The following ICE1 variants were observed in gnomAD, a reference collection of about 807,000 sequenced individuals.
ICE1 encodes little elongation complex subunit 1.
ICE1 carries 64 observed loss-of-function variants against 192.7 expected under a neutral mutation model. The ratio of observed to expected loss-of-function variants is 0.33; its 90% CI spans 0.27 to 0.41. ICE1 has a LOEUF of 0.41. ICE1 is among the 10% of genes least tolerant of loss of function. The pLI is 1.00. For missense variants in ICE1, 2,708 were observed against 2,696.0 expected, an observed-to-expected ratio of 1.00 and a Z score of -0.10; for synonymous variants, 1,010 against 984.5, an observed-to-expected ratio of 1.03 and a Z score of -0.49.
In ICE1 at chr5:5,463,832, G is replaced by T. The variant is rs373732140; in HGVS notation, c.4498G>T (p.Gly1500Cys). The change falls in exon 13 of 19, where the codon GGT becomes TGT. Residue 1500 changes from glycine to cysteine, a missense_variant. This residue lies in a region of ICE1 where 2,366 missense variants were observed against 2,276.6 expected (regional missense o/e 1.04). Coordinates refer to ENST00000296564, the MANE Select transcript of ICE1 (RefSeq NM_015325.3). The stretch of plus-strand genomic sequence containing the variant: ...TCCCCAAGAGGATGTTTCAAGCAGT[G>T]GTCAGAGCACCAACTTTGATAAGAG... ...SCPQEDVSSSGQSTNFDKSRL... is the reference protein window; with the variant it reads ...SCPQEDVSSSCQSTNFDKSRL... The T allele has an allele frequency of 1.9e-5, 31 of 1,613,808 alleles. No individual in the cohort carries two copies. Among genetic ancestry groups the T allele is most frequent in the Non-Finnish European group, 2.6e-5 (31 of 1,179,882 alleles).
intron 4 of ICE1, among the ~76,000 whole-genome samples, chr5:5,440,900 A>G (rs975956836): frequency 1.3e-5 from 2 of 151,876 alleles, no homozygotes; most frequent in Admixed American, 6.6e-5. Context: ...GACCCTGACT[A>G]ACAAAAAGAA....
intron 7 of ICE1, among the ~76,000 whole-genome samples, chr5:5,446,271 C>T (rs958993602): frequency 1.3e-5 from 2 of 151,400 alleles, no homozygotes; most frequent in African/African-American, 4.9e-5. Context: ...GCTGATACTA[C>T]AGGTGTGAGC....
chr5:5,422,909 C>T lies in ICE1; in HGVS notation c.-7C>T. 1 of 1,391,396 alleles carries T rather than the reference C, an allele frequency of 7.2e-7. No individual in the cohort carries two copies. The highest frequency in any genetic ancestry group is 9.3e-7 in the Non-Finnish European group (1 of 1,072,494). The allele number at this position is 1,391,396 out of a possible 1,614,324, so 86.2% of individuals were successfully genotyped here. On this transcript the variant is annotated 5_prime_UTR_variant, in exon 1 of 19. Transcript: ENST00000296564. ...CGTGCGTGCCCACCGGGCCCGGCGG[C>T]GGCACCATGATGCCGGGCGAGACCC...
In ICE1 at chr5:5,463,309, G is replaced by A. The variant is rs752586863; in HGVS notation, c.3975G>A (p.Leu1325=). 1 of 1,613,538 alleles carries A rather than the reference G, an allele frequency of 6.2e-7. No individual in the cohort carries two copies. The highest frequency in any genetic ancestry group is 1.1e-5 in the South Asian group (1 of 90,906). Reference sequence around the variant, plus strand: ...AACCAACCCCACAAGCAGCTGCCTTGGACACTGAGGGCAGCTCTCCCATCA... The same window carrying A: ...AACCAACCCCACAAGCAGCTGCCTTAGACACTGAGGGCAGCTCTCCCATCA... ...ASEPTPQAAA[L]DTEGSSPISG... Residue 1325 remains leucine, a synonymous_variant, in exon 13 of 19, where the codon TTG becomes TTA. Coordinates refer to ENST00000296564, the MANE Select transcript of ICE1 (RefSeq NM_015325.3).
At chr5:5,485,891 G>C (rs374256673) in intron 17 of ICE1, among the ~76,000 whole-genome samples, 1 of 152,182 alleles carries the variant, frequency 6.6e-6, no homozygotes. Flanking sequence ...CGAGGATAAA[G>C]TTCATTTAAG....
intron 16 of ICE1, among the ~76,000 whole-genome samples, chr5:5,475,450 A>T (rs1243877658): frequency 6.6e-6 from 1 of 152,236 alleles, no homozygotes; most frequent in Non-Finnish European, 1.5e-5. Context: ...TAGATTTTTG[A>T]AAAAACAGAT....
rs1168325317 is a variant in ICE1 at position 5,489,030 on chromosome 5, A to G, written c.6620-119A>G. The G allele has an allele frequency of 4.7e-6, 4 of 845,744 alleles. No individual in the cohort carries two copies. The African/African-American group carries it at 7.0e-5, about 15-fold the overall frequency. 52.4% of individuals were successfully genotyped at this position (845,744 alleles called of 1,614,324 possible). On this transcript the variant is annotated intron_variant, in intron 18 of 18. Coordinates refer to ENST00000296564, the MANE Select transcript of ICE1 (RefSeq NM_015325.3). ...TTTACTGTGGGTTTTTTTATATTTA[A>G]TTTTCATTGCTGGCAGAAAGCATTC... is the stretch of plus-strand genomic sequence containing the variant.
intron 11 of ICE1, among the ~76,000 whole-genome samples, chr5:5,455,677 C>T (rs989169018): frequency 1.3e-5 from 2 of 152,238 alleles, no homozygotes; most frequent in East Asian, 1.9e-4. Flanking sequence ...TCTTATTATA[C>T]CATAAGACAT....
chr5:5,428,348 A>G (rs1162196002), intron 1 of ICE1, among the ~76,000 whole-genome samples: 2 of 152,216 alleles, frequency 1.3e-5, no homozygotes, highest in Admixed American at 6.5e-5. Flanking sequence ...AAATAAGAGC[A>G]GTTAGTAAAC....
At chr5:5,441,717 A>G (rs915859659) in intron 5 of ICE1, among the ~76,000 whole-genome samples, 27 of 152,180 alleles carry the variant, frequency 1.8e-4, no homozygotes, top group African/African-American at 6.5e-4. Flanking sequence ...TGTCCTTTAA[A>G]GAACCTACTC....
chr5:5,470,214 G>T (rs1739119472), intron 15 of ICE1, among the ~76,000 whole-genome samples: 1 of 152,086 alleles, frequency 6.6e-6, no homozygotes, highest in Non-Finnish European at 1.5e-5. Flanking sequence ...CCCGTTCCCA[G>T]AGGGTTACCT....
chr5:5,471,613 A>G (rs1227053797), intron 15 of ICE1, among the ~76,000 whole-genome samples: 1 of 152,164 alleles, frequency 6.6e-6, no homozygotes, highest in Non-Finnish European at 1.5e-5. Context: ...ATCCTGATAA[A>G]ACAAGGAGAA....
chr5:5,485,552 G>A (rs1366024732), intron 17 of ICE1, among the ~76,000 whole-genome samples: 1 of 152,180 alleles, frequency 6.6e-6, no homozygotes, highest in African/African-American at 2.4e-5. Flanking sequence ...TCAACAAGTA[G>A]TAATTTCTTA....
Position 5,468,840 on chromosome 5 carries a change from C to T in ICE1, c.6074C>T (p.Ser2025Phe), listed in dbSNP as rs1293774239. Residue 2025 changes from serine (S) to phenylalanine (F), a missense_variant, in exon 15 of 19, where the codon TCT becomes TTT. By Grantham distance (155) the Ser-to-Phe change is radical. Coordinates refer to ENST00000296564, the MANE Select transcript of ICE1 (RefSeq NM_015325.3). ...TTATTTCTGATAGATTTTCCGGAGTCTGAAAAATTAACTTTGTTTATTGCA... is the reference window on the plus strand; with the variant it reads ...TTATTTCTGATAGATTTTCCGGAGTTTGAAAAATTAACTTTGTTTATTGCA... The part of the protein sequence containing the change: ...YSLLKEDFPE[S>F]EKLTLFIANM... 6.3e-7 allele frequency: 1 copy of T among 1,576,650 alleles called. No individual in the cohort carries two copies. Among genetic ancestry groups the T allele is most frequent in the South Asian group, 1.2e-5 (1 of 84,182 alleles).
At chr5:5,449,886 G>T (rs1738362143) in intron 10 of ICE1, among the ~76,000 whole-genome samples, 1 of 152,142 alleles carries the variant, frequency 6.6e-6, no homozygotes, top group African/African-American at 2.4e-5. Context: ...CCTCTTCCCA[G>T]AAAACAAGAT....
chr5:5,466,614 A>T, intron 14 of ICE1, 112 bp downstream of exon 14: 1 of 952,712 alleles, frequency 1.0e-6, no homozygotes, highest in East Asian at 2.7e-5. Flanking sequence ...AAATAATGTT[A>T]TGTTTTGTCC....
chr5:5,473,382 T>C (rs777759763), intron 15 of ICE1, among the ~76,000 whole-genome samples, 176 bp from the exon 16 acceptor site: 1 of 152,210 alleles, frequency 6.6e-6, no homozygotes, highest in Non-Finnish European at 1.5e-5. Flanking sequence ...CCAGCTACCA[T>C]TGTGTAATCA....
At chr5:5,458,644 G>A (rs1004976703) in intron 12 of ICE1, among the ~76,000 whole-genome samples, 8 of 152,168 alleles carry the variant, frequency 5.3e-5, no homozygotes, top group Admixed American at 1.3e-4. Flanking sequence ...AGCTCTGTGT[G>A]TGGTAGATTC....
chr5:5,461,340 A>C lies in ICE1; in HGVS notation c.2006A>C (p.His669Pro), dbSNP rs200516369. Residue 669 changes from histidine (H) to proline (P), a missense_variant, in exon 13 of 19, where the codon CAT becomes CCT. By Grantham distance (77) the His-to-Pro change is moderately conservative. Coordinates refer to ENST00000296564, the MANE Select transcript of ICE1 (RefSeq NM_015325.3). ...ACTAAAGTATTCTCTACTGAACCGC[A>C]TCATTCAGAACATAAATTGCAAACT... is the stretch of plus-strand genomic sequence containing the variant. ...ITTKVFSTEP[H>P]HSEHKLQTKT... 6.2e-7 allele frequency: 1 copy of C among 1,613,928 alleles called. No individual in the cohort carries two copies. Among genetic ancestry groups the C allele is most frequent in the Admixed American group, 1.7e-5 (1 of 60,022 alleles).
Sources: gnomAD v4.1 joint callset for allele counts (sites outside exome capture counted in the v4.1 genomes callset) on GRCh38, gnomAD v4.1.1 for gene constraint, gnomAD v4.1.1 regional missense constraint, MANE v1.5 for transcripts, NCBI Gene and HGNC (gene_info 2026-07-23, HGNC 2026-07-21) for gene names.